VPS13A: variants seen among roughly 807,000 people sequenced by gnomAD.
VPS13A encodes vacuolar protein sorting 13 homolog A.
Under a neutral mutation model 390.9 loss-of-function variants are expected in VPS13A, and 264 were observed. That is an observed-to-expected ratio of 0.68 (90% CI 0.61 to 0.75). The LOEUF (loss-of-function observed/expected upper bound fraction) is 0.75. Among genes scored for constraint, VPS13A ranks in the 30% least tolerant of loss-of-function variants. The pLI, the probability that VPS13A is intolerant of heterozygous loss-of-function variation, is 0.00. For synonymous variants in VPS13A, 1,231 were observed against 1,227.1 expected (o/e 1.00, Z -0.07); for missense variants, 3,409 against 3,733.9 (o/e 0.91, Z 2.27).
At chr9:77,291,377 C>T (rs1346384134) in intron 31 of VPS13A, among the ~76,000 whole-genome samples, 1 of 152,064 alleles carries the variant, frequency 6.6e-6, no homozygotes, top group Non-Finnish European at 1.5e-5. Context: ...AGGCTGGGGA[C>T]CACAGATGCA....
chr9:77,191,942 G>C (rs1270314686), intron 1 of VPS13A, among the ~76,000 whole-genome samples: 1 of 152,068 alleles, frequency 6.6e-6, no homozygotes, highest in Admixed American at 6.5e-5. Flanking sequence ...ACTGTCAGTG[G>C]GTTTTTGAAG....
intron 22 of VPS13A, among the ~76,000 whole-genome samples, chr9:77,259,138 A>T (rs1464073405): frequency 2.6e-5 from 4 of 152,168 alleles, no homozygotes; most frequent in African/African-American, 9.7e-5. Flanking sequence ...AGTGGATATG[A>T]TATGTCAAAT....
At chr9:77,256,207 CTTGAG>C (rs1013493085) in intron 22 of VPS13A, among the ~76,000 whole-genome samples, 34 of 151,924 alleles carry the variant, frequency 2.2e-4, no homozygotes, top group African/African-American at 7.2e-4. Context: ...TTTCATTTGT[CTTGAG>C]TTATTTTCTA....
chr9:77,385,778 T>C (rs1833657764), intron 68 of VPS13A, among the ~76,000 whole-genome samples: 1 of 152,106 alleles, frequency 6.6e-6, no homozygotes, highest in Admixed American at 6.5e-5. Flanking sequence ...CAACAGGTGA[T>C]TTAATTTAAC....
rs1231725877 is a variant in VPS13A at position 77,416,189 on chromosome 9, C to T, written c.*183C>T. 4.9e-6 allele frequency: 3 copies of T among 615,178 alleles called. No individual in the cohort carries two copies. The highest frequency in any genetic ancestry group is 8.6e-6 in the Non-Finnish European group (3 of 348,586). 38.1% of individuals were successfully genotyped at this position (615,178 alleles called of 1,614,324 possible). Reference sequence around the variant, plus strand: ...ACAAAACCAGAATCAGGTAAAACAGCTATGTGATTAAAATATTTTAATTCT... The same window carrying T: ...ACAAAACCAGAATCAGGTAAAACAGTTATGTGATTAAAATATTTTAATTCT... On this transcript the variant is annotated 3_prime_UTR_variant, in exon 72 of 72. Transcript: ENST00000360280.
chr9:77,273,482 C>T, intron 24 of VPS13A, 118 bp downstream of exon 24: 1 of 787,792 alleles, frequency 1.3e-6, no homozygotes, highest in Non-Finnish European at 2.0e-6. Flanking sequence ...CTTTTAAAAT[C>T]TAGGTTCTTG....
chr9:77,179,687 GTT>G (rs142930729), intron 1 of VPS13A, among the ~76,000 whole-genome samples: 1,820 of 130,888 alleles, frequency 0.014, 31 homozygotes, highest in African/African-American at 0.048. Flanking sequence ...TGGGTTGTAC[GTT>G]TTTTTTTTTT....
rs1380006812 is a variant in VPS13A, at chr9:77,314,577, A to G, written c.4325A>G (p.Tyr1442Cys). The G allele has an allele frequency of 8.1e-6, 13 of 1,609,982 alleles. No individual in the cohort carries two copies. Among genetic ancestry groups the G allele is most frequent in the Non-Finnish European group, 1.1e-5 (13 of 1,177,210 alleles). Reference sequence around the variant, plus strand: ...AATATTATAAGTACTTTAAAAATGTATACAGATGGCTCAACATTTTCTTCC... The same window carrying G: ...AATATTATAAGTACTTTAAAAATGTGTACAGATGGCTCAACATTTTCTTCC... ...LENIISTLKM[Y>C]TDGSTFSSFS... Residue 1442 changes from tyrosine (Y) to cysteine (C), a missense_variant, in exon 37 of 72, where the codon TAT becomes TGT. This residue lies in a region of VPS13A where 2,717 missense variants were observed against 2,917.4 expected (regional missense o/e 0.93). Coordinates refer to ENST00000360280, the MANE Select transcript of VPS13A (RefSeq NM_033305.3).
rs1220891035 is a variant in VPS13A, at chr9:77,417,526, T to G, written c.*1520T>G. On this transcript the variant is annotated 3_prime_UTR_variant, in exon 72 of 72. Coordinates refer to ENST00000360280, the MANE Select transcript of VPS13A (RefSeq NM_033305.3). ...GTTTAAAATCACATGAAAGTGTGTTTCCATGTTGACCTTTGTTTAAAAAAA... is the reference window on the plus strand; with the variant it reads ...GTTTAAAATCACATGAAAGTGTGTTGCCATGTTGACCTTTGTTTAAAAAAA... The G allele has an allele frequency of 6.6e-6, 1 of 151,990 alleles. No homozygotes were observed. The highest frequency in any genetic ancestry group is 1.5e-5 in the Non-Finnish European group (1 of 68,010). The allele number at this position is 151,990 out of a possible 1,614,324, so 9.4% of individuals were successfully genotyped here.
chr9:77,399,690 C>A (rs1384311237), intron 68 of VPS13A, among the ~76,000 whole-genome samples: 1 of 152,076 alleles, frequency 6.6e-6, no homozygotes, highest in Admixed American at 6.6e-5. Flanking sequence ...TATCAAAAAA[C>A]TGAAACAGAA....
chr9:77,209,559 T>C, intron 6 of VPS13A, 27 bp downstream of exon 6: 1 of 1,378,748 alleles, frequency 7.3e-7, no homozygotes. Flanking sequence ...GTGATATTTG[T>C]TTTTATATTT....
intron 1 of VPS13A, among the ~76,000 whole-genome samples, chr9:77,196,378 G>C (rs73464063): frequency 0.013 from 1,908 of 152,252 alleles, 42 homozygotes; most frequent in African/African-American, 0.043. Flanking sequence ...ATGCAATACA[G>C]TATTGTTAAC....
At chr9:77,232,918 T>G (rs893598590) in intron 17 of VPS13A, among the ~76,000 whole-genome samples, 31 of 152,172 alleles carry the variant, frequency 2.0e-4, no homozygotes, top group African/African-American at 6.5e-4. Context: ...AGTTTTTGGT[T>G]ACTGATTTAC....
chr9:77,410,392 G>A (rs893646551), intron 71 of VPS13A, among the ~76,000 whole-genome samples: 41 of 151,992 alleles, frequency 2.7e-4, no homozygotes, highest in African/African-American at 7.2e-4. Flanking sequence ...ATCAACTAAC[G>A]AGCAAAATAA....
intron 2 of VPS13A, 80 bp downstream of exon 2, chr9:77,200,068 A>T (rs921749304): frequency 2.8e-5 from 36 of 1,270,996 alleles, no homozygotes; most frequent in Admixed American, 1.2e-4. Context: ...TTGTCACCTT[A>T]AATTATTTAA....
rs114178048 is a variant in VPS13A at position 77,345,878 on chromosome 9, G to C, written c.7289+736G>C. On this transcript the variant is annotated intron_variant, in intron 52 of 71. Coordinates refer to ENST00000360280, the MANE Select transcript of VPS13A (RefSeq NM_033305.3). ...CTGGACTAGCAAGTACCTAAAACTCGTTTGGGGTAGCATTCTCTCATCTAT... is the reference window on the plus strand; with the variant it reads ...CTGGACTAGCAAGTACCTAAAACTCCTTTGGGGTAGCATTCTCTCATCTAT... Among the ~76,000 whole-genome samples, 879 of 152,184 alleles carry C rather than the reference G, an allele frequency of 5.8e-3. 12 individuals carry two copies. Among genetic ancestry groups the C allele is most frequent in the African/African-American group, 0.02 (848 of 41,542 alleles).
intron 6 of VPS13A, among the ~76,000 whole-genome samples, chr9:77,210,369 C>T (rs1291616787): frequency 7.0e-6 from 1 of 142,322 alleles, no homozygotes; most frequent in African/African-American, 2.6e-5. Context: ...ACCCACCCTG[C>T]AGTAGCTGGG....
At chr9:77,215,212 C>A (rs181999045) in intron 10 of VPS13A, among the ~76,000 whole-genome samples, 95 of 152,282 alleles carry the variant, frequency 6.2e-4, no homozygotes, top group African/African-American at 2.1e-3. Flanking sequence ...TGATGGATAA[C>A]TTAATTATTG....
intron 68 of VPS13A, among the ~76,000 whole-genome samples, chr9:77,402,919 T>C (rs933431129): frequency 6.6e-6 from 1 of 152,334 alleles, no homozygotes; most frequent in South Asian, 2.1e-4. Context: ...TAAATACTAA[T>C]GTGTTTTCCA....
Sources: gnomAD v4.1 joint callset for allele counts (sites outside exome capture counted in the v4.1 genomes callset) on GRCh38, gnomAD v4.1.1 for gene constraint, gnomAD v4.1.1 regional missense constraint, MANE v1.5 for transcripts, NCBI Gene and HGNC (gene_info 2026-07-23, HGNC 2026-07-21) for gene names.